Variants in FMN2 observed in about 807,000 individuals in gnomAD.
FMN2 encodes formin 2, also known as formin-2.
Under a neutral mutation model 142.3 loss-of-function variants are expected in FMN2, and 51 were observed. That is an observed-to-expected ratio of 0.36 (90% CI 0.29 to 0.45). The LOEUF (loss-of-function observed/expected upper bound fraction) is 0.45. Ranked by LOEUF, FMN2 falls within the 20% of genes least tolerant of loss-of-function variation. FMN2 has a pLI of 1.00. For missense variants in FMN2, 1,936 were observed against 2,122.8 expected (o/e 0.91, Z 1.73); for synonymous variants, 882 against 869.8 (o/e 1.01, Z -0.25).
chr1:240,289,548 A>G (rs1406653695), intron 7 of FMN2, among the ~76,000 whole-genome samples: 1 of 151,984 alleles, frequency 6.6e-6, no homozygotes, highest in Non-Finnish European at 1.5e-5. Flanking sequence ...GCATGGTGGC[A>G]TGTACCTGTT....
intron 1 of FMN2, among the ~76,000 whole-genome samples, chr1:240,111,679 T>A (rs1036457130): frequency 2.0e-5 from 3 of 152,126 alleles, no homozygotes; most frequent in Admixed American, 2.0e-4. Context: ...ATGACCTGTA[T>A]CTTGTGCTGA....
At chr1:240,281,576 G>A (rs912642703) in intron 7 of FMN2, among the ~76,000 whole-genome samples, 2 of 151,974 alleles carry the variant, frequency 1.3e-5, no homozygotes, top group African/African-American at 4.8e-5. Flanking sequence ...CTTCTCTGTG[G>A]ATGAATAAAA....
intron 8 of FMN2, among the ~76,000 whole-genome samples, chr1:240,313,968 T>A (rs115604069): frequency 6.6e-6 from 1 of 152,058 alleles, no homozygotes. Flanking sequence ...AGAGCAAGAC[T>A]CTGTCTCAGA....
In FMN2 at chr1:240,124,291, C is replaced by A. The variant is rs140039613; in HGVS notation, c.1782+946C>A. Among the ~76,000 whole-genome samples, 817 of 152,244 alleles carry A rather than the reference C, an allele frequency of 5.4e-3. 3 individuals are homozygous for A. Among genetic ancestry groups the A allele is most frequent in the African/African-American group, 0.018 (749 of 41,552 alleles). Reference sequence around the variant, plus strand: ...GCTCCACGGGGCACAGTTATTCTTCCCAGTGGGCCGGAGGTTTCCATGGGC... The same window carrying A: ...GCTCCACGGGGCACAGTTATTCTTCACAGTGGGCCGGAGGTTTCCATGGGC... On this transcript the variant is annotated intron_variant, in intron 2 of 17. Coordinates refer to ENST00000319653, the MANE Select transcript of FMN2 (RefSeq NM_020066.5).
In FMN2 at chr1:240,123,404, C is replaced by T. The variant is rs1033241249; in HGVS notation, c.1782+59C>T. ...AGATTTGCTGTGGAAATAGCAGCTA[C>T]GATGTGTATCTGCCCAGTCACCCTA... On this transcript the variant is annotated intron_variant, in intron 2 of 17. Transcript: ENST00000319653. 2.1e-5 allele frequency: 33 copies of T among 1,535,930 alleles called. No individual in the cohort carries two copies. The African/African-American group carries it at 3.3e-4, about 15-fold the overall frequency.
intron 14 of FMN2, among the ~76,000 whole-genome samples, chr1:240,365,255 ATACG>A (rs1195342557): frequency 8.6e-6 from 1 of 115,644 alleles, no homozygotes; most frequent in African/African-American, 4.0e-5. Flanking sequence ...ACATACATAC[ATACG>A]TGTGCATATA....
intron 14 of FMN2, 82 bp from the exon 15 acceptor site, chr1:240,392,429 C>G: frequency 9.4e-7 from 1 of 1,066,922 alleles, no homozygotes. Flanking sequence ...AAATAAGTTA[C>G]GTTATGTAGG....
intron 16 of FMN2, among the ~76,000 whole-genome samples, chr1:240,447,096 T>G (rs1423637106): frequency 1.3e-5 from 2 of 152,174 alleles, no homozygotes; most frequent in African/African-American, 2.4e-5. Flanking sequence ...ACAACAGATG[T>G]TAGACCAAGA....
At chr1:240,118,566 G>A (rs1662114047) in intron 1 of FMN2, among the ~76,000 whole-genome samples, 1 of 152,132 alleles carries the variant, frequency 6.6e-6, no homozygotes, top group Non-Finnish European at 1.5e-5. Flanking sequence ...TTACTCTGAG[G>A]GTGATGGGAA....
chr1:240,437,719 T>A (rs1409445028), intron 15 of FMN2, among the ~76,000 whole-genome samples: 2 of 152,186 alleles, frequency 1.3e-5, no homozygotes, highest in African/African-American at 4.8e-5. Context: ...TTCATTTGTT[T>A]AGGGTTTAGA....
rs1246696437 is a variant in FMN2, at chr1:240,301,111, C to G, written c.4215+6228C>G. On this transcript the variant is annotated intron_variant, in intron 8 of 17. Transcript: ENST00000319653. ...GTCATTTTTTGTCCCTCTAATTCTT[C>G]TTTCCTACCTTATTATTTACATGGT... Among the ~76,000 whole-genome samples, 8 of 150,792 alleles carry G rather than the reference C, an allele frequency of 5.3e-5. 1 individual carries two copies.
intron 6 of FMN2, among the ~76,000 whole-genome samples, chr1:240,246,292 C>A (rs2008864): frequency 0.31 from 46,770 of 152,118 alleles, 7,743 homozygotes; most frequent in East Asian, 0.52. Flanking sequence ...ATATGGCTAT[C>A]CCTGGATAAA....
chr1:240,429,395 T>TCATCTCCTTATTGTTCTTTCTTTC, intron 15 of FMN2, among the ~76,000 whole-genome samples: 1 of 152,334 alleles, frequency 6.6e-6, no homozygotes, highest in South Asian at 2.1e-4. Flanking sequence ...TTCCGTCTTT[T>TCATCTCCTTATTGTTCTTTCTTTC]CATCTCCTTA....
intron 5 of FMN2, among the ~76,000 whole-genome samples, chr1:240,209,719 A>G (rs1182044264): frequency 2.7e-5 from 4 of 150,036 alleles, no homozygotes; most frequent in Admixed American, 6.6e-5. Context: ...CCTGGCTAAC[A>G]CGGTGAAACC....
At chr1:240,245,249 A>G (rs1398407124) in intron 6 of FMN2, 2 of 283,510 alleles carry the variant, frequency 7.1e-6, no homozygotes, top group Non-Finnish European at 1.4e-5. Context: ...ATCAGGGGCC[A>G]CTAAATATCT....
chr1:240,092,748 C>G lies in FMN2; in HGVS notation c.639C>G (p.Leu213=), dbSNP rs977120019. The change falls in exon 1 of 18, where the codon CTC becomes CTG. Residue 213 remains leucine (L), a synonymous_variant. Coordinates refer to ENST00000319653, the MANE Select transcript of FMN2 (RefSeq NM_020066.5). ...TGCAGCAGCAGCAGCAGCAGCAGCTCCAGCTCCAGCTCCAGCAACAGCAGC... is the reference window on the plus strand; with the variant it reads ...TGCAGCAGCAGCAGCAGCAGCAGCTGCAGCTCCAGCTCCAGCAACAGCAGC... ...IRLQQQQQQQ[L]QLQLQQQQQQ... is the part of the protein sequence containing the mutation. 2 of 1,611,012 alleles carry G rather than the reference C, an allele frequency of 1.2e-6. No individual in the cohort carries two copies. The highest frequency in any genetic ancestry group is 1.7e-6 in the Non-Finnish European group (2 of 1,179,108).
intron 16 of FMN2, among the ~76,000 whole-genome samples, chr1:240,444,543 GGTTTA>G (rs1013114176): frequency 6.4e-4 from 91 of 141,598 alleles, no homozygotes; most frequent in African/African-American, 2.5e-3. Flanking sequence ...TTAATTTACT[GGTTTA>G]TTTTACTTTG....
intron 16 of FMN2, among the ~76,000 whole-genome samples, chr1:240,441,392 A>G (rs550125093): frequency 1.3e-5 from 2 of 152,282 alleles, no homozygotes; most frequent in South Asian, 4.1e-4. Context: ...GTGGTCATTT[A>G]AGAGTGTGAA....
chr1:240,252,578 C>A (rs1347708216), intron 6 of FMN2, among the ~76,000 whole-genome samples: 1 of 146,122 alleles, frequency 6.8e-6, no homozygotes, highest in African/African-American at 2.5e-5. Context: ...TTGAATATAT[C>A]ATTCAGTTCT....
Sources: allele counts gnomAD v4.1 joint callset (sites outside exome capture counted in the v4.1 genomes callset), GRCh38; gene constraint gnomAD v4.1.1; transcripts MANE v1.5; gene names NCBI Gene and HGNC (gene_info 2026-07-23, HGNC 2026-07-21).